The following SLC44A1 variants were observed in gnomAD, a reference collection of about 807,000 sequenced individuals.
SLC44A1 encodes choline transporter-like protein 1.
Under a neutral mutation model 79.3 loss-of-function variants are expected in SLC44A1, and 26 were observed. That is an observed-to-expected ratio of 0.33 (90% CI 0.24 to 0.46). The LOEUF (loss-of-function observed/expected upper bound fraction) is 0.46, where lower values mean the gene tolerates loss of function less well. Among genes scored for constraint, SLC44A1 ranks in the 20% least tolerant of loss-of-function variants. The pLI, the probability that SLC44A1 is intolerant of heterozygous loss-of-function variation, is 1.00. For synonymous variants in SLC44A1, 263 were observed against 286.2 expected (o/e 0.92, Z 0.82); for missense variants, 688 against 798.1 (o/e 0.86, Z 1.66).
chr9:105,276,565 C>CATGT (rs1188770816), intron 1 of SLC44A1, among the ~76,000 whole-genome samples: 14 of 118,996 alleles, frequency 1.2e-4, no homozygotes, highest in Non-Finnish European at 1.9e-4. Context: ...GATGGGGAGC[C>CATGT]GTGTGTGTGT....
intron 15 of SLC44A1, among the ~76,000 whole-genome samples, chr9:105,431,081 GT>G (rs1311753106): frequency 6.6e-6 from 1 of 152,068 alleles, no homozygotes; most frequent in Non-Finnish European, 1.5e-5. Flanking sequence ...CTTTTCCTTG[GT>G]TGCTTGTTCT....
chr9:105,264,001 G>A (rs1447695064), intron 1 of SLC44A1, among the ~76,000 whole-genome samples: 2 of 151,740 alleles, frequency 1.3e-5, no homozygotes, highest in East Asian at 1.9e-4. Context: ...CTACCTCCTC[G>A]CTTTTCAATT....
chr9:105,257,378 G>A (rs1829736379), intron 1 of SLC44A1, among the ~76,000 whole-genome samples: 1 of 152,186 alleles, frequency 6.6e-6, no homozygotes, highest in South Asian at 2.1e-4. Flanking sequence ...TTACAGGCGT[G>A]AGCCACTGTG....
At chr9:105,418,197 C>T (rs1384107066) in intron 15 of SLC44A1, among the ~76,000 whole-genome samples, 2 of 151,382 alleles carry the variant, frequency 1.3e-5, no homozygotes, top group Non-Finnish European at 2.9e-5. Context: ...GCCTGTAATC[C>T]CAGCTACTCT....
chr9:105,310,058 C>G (rs932634173), intron 3 of SLC44A1, among the ~76,000 whole-genome samples, 192 bp downstream of exon 3: 2 of 152,084 alleles, frequency 1.3e-5, no homozygotes, highest in African/African-American at 2.4e-5. Flanking sequence ...TAACATTCTT[C>G]AGGAAACAGA....
At chr9:105,323,000 G>T (rs7857293) in intron 3 of SLC44A1, among the ~76,000 whole-genome samples, 1 of 150,688 alleles carries the variant, frequency 6.6e-6, no homozygotes, top group Non-Finnish European at 1.5e-5. Context: ...AGGCGGGCGG[G>T]TTACTTGAGG....
At chr9:105,362,726 G>C in intron 8 of SLC44A1, 95 bp from the exon 9 acceptor site, 1 of 819,894 alleles carries the variant, frequency 1.2e-6, no homozygotes, top group Non-Finnish European at 1.9e-6. Context: ...CTACCTCCAG[G>C]TTTGGGGCTG....
chr9:105,338,207 G>A (rs943814889), intron 4 of SLC44A1, among the ~76,000 whole-genome samples: 4 of 152,018 alleles, frequency 2.6e-5, no homozygotes, highest in African/African-American at 9.7e-5. Context: ...TTTGTATAGA[G>A]GCCTAAATAC....
chr9:105,413,475 G>T (rs1429186976), intron 15 of SLC44A1, among the ~76,000 whole-genome samples: 2 of 152,154 alleles, frequency 1.3e-5, no homozygotes, highest in African/African-American at 4.8e-5. Flanking sequence ...CTACTTGAAA[G>T]AACAAAAGAC....
intron 3 of SLC44A1, among the ~76,000 whole-genome samples, chr9:105,332,321 T>C (rs1482856434): frequency 6.6e-6 from 1 of 152,088 alleles, no homozygotes; most frequent in East Asian, 1.9e-4. Flanking sequence ...GGTTTCACCA[T>C]GTTGTCCAGG....
chr9:105,297,639 C>T (rs999815977), intron 1 of SLC44A1, among the ~76,000 whole-genome samples: 11 of 152,152 alleles, frequency 7.2e-5, no homozygotes, highest in Admixed American at 5.9e-4. Context: ...GCCTCGGCAA[C>T]CCAAAGTGCT....
chr9:105,269,736 T>C (rs1219881423), intron 1 of SLC44A1, among the ~76,000 whole-genome samples: 1 of 152,222 alleles, frequency 6.6e-6, no homozygotes, highest in Non-Finnish European at 1.5e-5. Context: ...GCTGTGGTTT[T>C]CTACAGTTGC....
At chr9:105,397,788 A>T (rs1204979753), downstream of SLC44A1, among the ~76,000 whole-genome samples, 1 of 152,028 alleles carries the variant, frequency 6.6e-6, no homozygotes, top group Non-Finnish European at 1.5e-5. Context: ...ACTAAAAAAA[A>T]TACAAAAAAA....
chr9:105,438,341 C>T, exon 16 of SLC44A1: 1 of 1,510,030 alleles, frequency 6.6e-7, no homozygotes, highest in Non-Finnish European at 9.0e-7. Context: ...AGGTTGTTTA[C>T]ATGAGGTTCT....
intron 13 of SLC44A1, among the ~76,000 whole-genome samples, chr9:105,378,294 A>G (rs995017971): frequency 2.6e-5 from 4 of 152,126 alleles, no homozygotes; most frequent in African/African-American, 9.7e-5. Flanking sequence ...AGTTTTGTAT[A>G]CCTCTTTTCA....
chr9:105,433,324 T>G (rs1337840435), intron 15 of SLC44A1, among the ~76,000 whole-genome samples: 1 of 151,002 alleles, frequency 6.6e-6, no homozygotes, highest in African/African-American at 2.5e-5. Context: ...AACAAAAAAC[T>G]TTCGCAAATC....
rs1828870731 is a variant in SLC44A1 at position 105,396,090 on chromosome 9, T to C, written c.*7034T>C. On this transcript the variant is annotated 3_prime_UTR_variant, in exon 16 of 16. Transcript: ENST00000374720. ...TTTTGCCTATTTTGATTTTCAGAGA[T>C]GATCACATGGGGACAGTTAACTTTT... 1.0e-6 allele frequency: 1 copy of C among 985,324 alleles called. No individual in the cohort carries two copies. The highest frequency in any genetic ancestry group is 6.2e-5 in the Admixed American group (1 of 16,256). 61.0% of individuals were successfully genotyped at this position (985,324 alleles called of 1,614,324 possible). A position where few individuals can be genotyped will look rare whatever the true frequency, so the allele number is the denominator to read the frequency against.
chr9:105,357,328 A>G (rs566481022), intron 6 of SLC44A1: 1 of 152,322 alleles, frequency 6.6e-6, no homozygotes, highest in African/African-American at 2.4e-5. Flanking sequence ...GCCCAAAGAA[A>G]CTTAACTGTT....
At position 105,390,382 on chromosome 9, in the gene SLC44A1, T is replaced by C; in HGVS notation, c.*1326T>C. On this transcript the variant is annotated 3_prime_UTR_variant, in exon 16 of 16. Coordinates refer to ENST00000374720, the MANE Select transcript of SLC44A1 (RefSeq NM_080546.5). The stretch of plus-strand genomic sequence containing the variant: ...TATTTTTGTTAATGTAAAGTAAATA[T>C]TTCAGAGCAAATTTTTTAAACTTAT... 1 of 976,912 alleles carries C rather than the reference T, an allele frequency of 1.0e-6. No homozygotes were observed. Among genetic ancestry groups the C allele is most frequent in the Non-Finnish European group, 1.2e-6 (1 of 823,944 alleles). 60.5% of individuals were successfully genotyped at this position (976,912 alleles called of 1,614,324 possible).
Sources: gnomAD v4.1 joint callset for allele counts (sites outside exome capture counted in the v4.1 genomes callset) on GRCh38, gnomAD v4.1.1 for gene constraint, MANE v1.5 for transcripts, NCBI Gene and HGNC (gene_info 2026-07-23, HGNC 2026-07-21) for gene names.